The following MROH1 variants were observed in gnomAD, a reference collection of about 807,000 sequenced individuals.
MROH1 encodes the protein maestro heat like repeat family member 1, also known as maestro heat-like repeat-containing protein family member 1.
In MROH1, 117 loss-of-function variants were observed where a neutral mutation model predicts 116.5. The observed-to-expected ratio is 1.00, with a 90% confidence interval of 0.86 to 1.17. MROH1 has a LOEUF of 1.17. Among genes scored for constraint, MROH1 ranks in the 50% most tolerant of loss-of-function variants. The pLI is 0.00. For synonymous variants in MROH1, 921 were observed against 583.9 expected, an observed-to-expected ratio of 1.58 and a Z score of -8.32; for missense variants, 1,873 against 1,338.5, an observed-to-expected ratio of 1.40 and a Z score of -6.23.
chr8:144,173,672 CT>C (rs1462534789), intron 4 of MROH1, among the ~76,000 whole-genome samples: 8 of 152,158 alleles, frequency 5.3e-5, no homozygotes, highest in Non-Finnish European at 1.2e-4. Flanking sequence ...ATCCACCCAC[CT>C]CGGCCTCCCA....
chr8:144,202,034 A>G (rs889276854), intron 12 of MROH1, among the ~76,000 whole-genome samples: 8 of 151,430 alleles, frequency 5.3e-5, no homozygotes, highest in South Asian at 2.1e-4. Context: ...AAAAAAAAAA[A>G]AGAGAAAGCA....
At chr8:144,149,188 C>T (rs1332385870) in intron 1 of MROH1, among the ~76,000 whole-genome samples, 1 of 152,142 alleles carries the variant, frequency 6.6e-6, no homozygotes, top group Non-Finnish European at 1.5e-5. Context: ...ATAGGTGGTA[C>T]GTGTTTGTGA....
chr8:144,149,535 G>C (rs2130374898), intron 1 of MROH1, among the ~76,000 whole-genome samples: 1 of 152,244 alleles, frequency 6.6e-6, no homozygotes, highest in East Asian at 1.9e-4. Context: ...CTGGTGCTTA[G>C]TTTTCTTTCC....
chr8:144,198,043 G>C (rs1331084207), intron 10 of MROH1, among the ~76,000 whole-genome samples: 5 of 99,540 alleles, frequency 5.0e-5, no homozygotes, highest in Admixed American at 1.0e-4. Flanking sequence ...GAGCAAAACT[G>C]TTTCAAAAAA....
Position 144,163,991 on chromosome 8 carries a change from G to T in MROH1, c.22+143G>T, listed in dbSNP as rs1820167851. On this transcript the variant is annotated intron_variant, in intron 3 of 43. Transcript: ENST00000326134. This position sits in a 1 kb window ranked among gnomAD's most constrained non-coding sequence, Gnocchi z 4.4. ...GGGAGCCTGAGTGGGTTCTGGGCAG[G>T]TTGGGTGATGTGGCAGGTGTAGACT... The T allele has an allele frequency of 1.4e-6, 1 of 728,402 alleles. No individual in the cohort carries two copies. Among genetic ancestry groups the T allele is most frequent in the South Asian group, 2.7e-5 (1 of 37,656 alleles). 45.1% of individuals were successfully genotyped at this position (728,402 alleles called of 1,614,324 possible). A position where few individuals can be genotyped will look rare whatever the true frequency, so the allele number is the denominator to read the frequency against.
At chr8:144,156,351 C>T (rs1198918395) in intron 1 of MROH1, among the ~76,000 whole-genome samples, 1 of 151,356 alleles carries the variant, frequency 6.6e-6, no homozygotes, top group Non-Finnish European at 1.5e-5. Context: ...TGGATTGTGA[C>T]AAATGCTTTT....
At chr8:144,152,978 C>T (rs1276491530) in intron 1 of MROH1, among the ~76,000 whole-genome samples, 1 of 152,148 alleles carries the variant, frequency 6.6e-6, no homozygotes, top group Non-Finnish European at 1.5e-5. Flanking sequence ...TTTATTCTTC[C>T]TGTCTAACTG....
intron 36 of MROH1, 86 bp from the exon 37 acceptor site, chr8:144,259,154 G>A (rs1844488764): frequency 1.0e-5 from 7 of 698,774 alleles, no homozygotes; most frequent in African/African-American, 1.8e-5. Context: ...GCGGTGGAGC[G>A]GACCAGGGCT....
intron 14 of MROH1, among the ~76,000 whole-genome samples, chr8:144,231,810 T>C (rs574389146): frequency 6.6e-6 from 1 of 152,166 alleles, no homozygotes; most frequent in Non-Finnish European, 1.5e-5. Flanking sequence ...GACCTTCCAC[T>C]TGGTTAAAAT....
At chr8:144,153,557 T>G (rs2130570450) in intron 1 of MROH1, among the ~76,000 whole-genome samples, 1 of 152,304 alleles carries the variant, frequency 6.6e-6, no homozygotes, top group South Asian at 2.1e-4. Context: ...TGTTTTATTT[T>G]TATTTTGTTC....
At chr8:144,226,249 T>C (rs774722687) in intron 14 of MROH1, among the ~76,000 whole-genome samples, 1 of 152,030 alleles carries the variant, frequency 6.6e-6, no homozygotes. Context: ...TGAGGTGTGT[T>C]TGAGGCTCGT....
chr8:144,246,902 G>A (rs1199205269), intron 29 of MROH1, among the ~76,000 whole-genome samples: 1 of 152,210 alleles, frequency 6.6e-6, no homozygotes, highest in Non-Finnish European at 1.5e-5. Context: ...GGGTGTGAGG[G>A]GGTCTTGTAC....
rs1841159514 is a variant in MROH1, at chr8:144,242,372, C to T, written c.2182C>T (p.Arg728Ter). The T allele has an allele frequency of 2.6e-6, 2 of 780,684 alleles. No homozygotes were observed. The highest frequency in any genetic ancestry group is 2.4e-5 in the East Asian group (1 of 41,256). 48.4% of individuals were successfully genotyped at this position (780,684 alleles called of 1,614,324 possible). ...GCTGGTTCCTCTGGCCTCTCAGGAT[C>T]GAAGTGAGAACGAAGTGGAGAAGGT... ...SIGILNIFKDRSENEVEKVKS... is the reference protein window; with the variant it reads ...SIGILNIFKD The change falls in exon 23 of 44, where the codon CGA (arginine) becomes TGA (stop). Residue 728 changes from arginine to a stop codon, truncating the protein, a stop_gained. Coordinates refer to ENST00000326134, the MANE Select transcript of MROH1 (RefSeq NM_032450.3). LOFTEE classifies it high-confidence loss of function.
chr8:144,185,181 G>C (rs1000507797), intron 7 of MROH1, among the ~76,000 whole-genome samples: 7 of 152,150 alleles, frequency 4.6e-5, no homozygotes, highest in Non-Finnish European at 8.8e-5. Context: ...GGTTCCACTG[G>C]AATCCTCGTG....
intron 29 of MROH1, among the ~76,000 whole-genome samples, chr8:144,246,081 C>T (rs1278130658): frequency 7.9e-6 from 1 of 127,166 alleles, no homozygotes; most frequent in African/African-American, 2.9e-5. Context: ...CCTTTCCTTC[C>T]TTTCCTTCCT....
intron 7 of MROH1, among the ~76,000 whole-genome samples, chr8:144,188,481 T>G (rs1827765204): frequency 3.6e-5 from 1 of 27,416 alleles, no homozygotes; most frequent in South Asian, 1.6e-3. Flanking sequence ...TTTTTTTTTT[T>G]TTTTTTGAGA....
chr8:144,251,930 CAT>C lies in MROH1; in HGVS notation c.3428+1565_3428+1566del, dbSNP rs1440753590. 52 of 210,954 alleles carry C rather than the reference CAT, an allele frequency of 2.5e-4. 3 individuals carry two copies. 13.1% of individuals were successfully genotyped at this position (210,954 alleles called of 1,614,324 possible). ...TGCTTAGCACAGCAGTGCTGCTGCC[CAT>C]CCTTCCTCCTTGCCAGGTAGTGCCG... On this transcript the variant is annotated intron_variant, in intron 33 of 43. Transcript: ENST00000326134.
intron 9 of MROH1, 55 bp downstream of exon 9, chr8:144,191,910 C>A: frequency 6.2e-7 from 1 of 1,602,968 alleles, no homozygotes; most frequent in Non-Finnish European, 8.5e-7. Context: ...AATCAGACTC[C>A]CCGGGGGTGG....
At chr8:144,151,247 CA>C (rs1160118892) in intron 1 of MROH1, among the ~76,000 whole-genome samples, 644 of 22,958 alleles carry the variant, frequency 0.028, 1 homozygote, top group Non-Finnish European at 0.032. Context: ...TATTCTGTCT[CA>C]AAAAAAAAAA....
Sources: allele counts gnomAD v4.1 joint callset (sites outside exome capture counted in the v4.1 genomes callset), GRCh38; gene constraint gnomAD v4.1.1; non-coding constraint Gnocchi (gnomAD v3.1); transcripts MANE v1.5; gene names NCBI Gene and HGNC (gene_info 2026-07-23, HGNC 2026-07-21).